The following TULP4 variants were observed in gnomAD, a reference collection of about 807,000 sequenced individuals.
TULP4 encodes TUB like protein 4, also known as tubby-related protein 4.
A neutral mutation model predicts 129.0 loss-of-function variants in TULP4; 16 were observed. The observed-to-expected ratio is 0.12, with a 90% CI of 0.08 to 0.19. The LOEUF is 0.19. Ranked by LOEUF, TULP4 falls within the 10% of genes least tolerant of loss-of-function variation. The pLI, the probability that TULP4 is intolerant of heterozygous loss-of-function variation, is 1.00. For missense variants in TULP4, 1,842 were observed against 2,059.1 expected (o/e 0.89, Z 2.04); for synonymous variants, 998 against 854.0 (o/e 1.17, Z -2.94).
chr6:158,233,098 G>A (rs1777628324), intron 1 of TULP4, among the ~76,000 whole-genome samples: 1 of 152,242 alleles, frequency 6.6e-6, no homozygotes, highest in African/African-American at 2.4e-5. Context: ...CTTCAGGGAT[G>A]GGAAGGTGAG....
Position 158,314,554 on chromosome 6 carries a change from T to C in TULP4, c.252+286T>C, listed in dbSNP as rs1224496491. Among the ~76,000 whole-genome samples the C allele has an allele frequency of 3.3e-5, 5 of 152,122 alleles. No homozygotes were observed. The East Asian group carries it at 9.6e-4, about 29-fold the overall frequency. ...CGGGCAGTGGGAAGACGCCCAGCAG[T>C]AGGGAGGCCAGGGCGCTTTCTAACC... On this transcript the variant is annotated intron_variant, in intron 1 of 13. Transcript: ENST00000367097.
rs199605437 is a variant in TULP4 at position 158,265,723 on chromosome 6, C to CT, written n.68+33429dup. On this transcript the variant is annotated intron_variant and non_coding_transcript_variant, in intron 1 of 1. Transcript: ENST00000620026. ...AATTTTGGCTCAAGTAAGGCAAATACTTTTTTTTTCTTAAGCATTGAGAAT... is the reference window on the plus strand; with the variant it reads ...AATTTTGGCTCAAGTAAGGCAAATACTTTTTTTTTTCTTAAGCATTGAGAAT... Among the ~76,000 whole-genome samples, 7 of 151,344 alleles carry CT rather than the reference C, an allele frequency of 4.6e-5. No homozygotes were observed. In the East Asian group the frequency reaches 1.2e-3, roughly 25 times the overall value.
chr6:158,240,437 C>T (rs1306271395), intron 1 of TULP4, among the ~76,000 whole-genome samples: 3 of 77,208 alleles, frequency 3.9e-5, no homozygotes, highest in African/African-American at 1.3e-4. Flanking sequence ...AGGCGCCCCT[C>T]ACCTCCCAGA....
intron 1 of TULP4, among the ~76,000 whole-genome samples, chr6:158,358,390 C>A (rs1780695216): frequency 6.6e-6 from 1 of 152,136 alleles, no homozygotes; most frequent in Admixed American, 6.5e-5. Flanking sequence ...TTAAACAAAC[C>A]CATCAGTCCT....
chr6:158,394,054 G>A (rs1381910802), intron 1 of TULP4, among the ~76,000 whole-genome samples: 2 of 152,168 alleles, frequency 1.3e-5, no homozygotes, highest in Non-Finnish European at 2.9e-5. Context: ...GCTGTTAGGA[G>A]CAGCCAGGCT....
At chr6:158,461,855 GA>G in intron 6 of TULP4, 126 bp downstream of exon 6, 2 of 1,143,214 alleles carry the variant, frequency 1.7e-6, no homozygotes, top group Non-Finnish European at 2.4e-6. Context: ...TAAACCAGGA[GA>G]AATAAGGGAG....
intron 1 of TULP4, among the ~76,000 whole-genome samples, chr6:158,385,735 T>A (rs1419016646): frequency 6.7e-6 from 1 of 149,644 alleles, no homozygotes; most frequent in East Asian, 1.9e-4. Flanking sequence ...TTTTTTTTTT[T>A]AAGTTCCTTA....
Position 158,489,620 on chromosome 6 carries a change from G to A in TULP4, c.1519G>A (p.Val507Met), listed in dbSNP as rs1479849470. Residue 507 changes from valine (V) to methionine (M), a missense_variant, in exon 9 of 14, where the codon GTG becomes ATG. By Grantham distance (21) the Val-to-Met change is conservative. Coordinates refer to ENST00000367097, the MANE Select transcript of TULP4 (RefSeq NM_020245.5). ...EIYGNSLIST[V>M]IDSCNCSDSS... Reference sequence around the variant, plus strand: ...CTATGGGAACAGCTTGATTTCTACTGTGATCGACAGCTGCAACTGCTCAGA... The same window carrying A: ...CTATGGGAACAGCTTGATTTCTACTATGATCGACAGCTGCAACTGCTCAGA... 2 of 1,614,192 alleles carry A rather than the reference G, an allele frequency of 1.2e-6. No homozygotes were observed. The highest frequency in any genetic ancestry group is 1.7e-6 in the Non-Finnish European group (2 of 1,180,048).
At chr6:158,350,041 ACTTCCTCC>A (rs1780467678) in intron 1 of TULP4, among the ~76,000 whole-genome samples, 1 of 121,614 alleles carries the variant, frequency 8.2e-6, no homozygotes, top group East Asian at 2.5e-4. Flanking sequence ...GGCGCTCCTC[ACTTCCTCC>A]CAGACGGGGC....
Position 158,509,581 on chromosome 6 carries a change from A to C in TULP4, c.*2887A>C, listed in dbSNP as rs564236347. The C allele has an allele frequency of 6.6e-6, 1 of 152,258 alleles. No homozygotes were observed. The highest frequency in any genetic ancestry group is 1.5e-5 in the Non-Finnish European group (1 of 68,050). The allele number at this position is 152,258 out of a possible 1,614,324, so 9.4% of individuals were successfully genotyped here. A position where few individuals can be genotyped will look rare whatever the true frequency, so the allele number is the denominator to read the frequency against. On this transcript the variant is annotated 3_prime_UTR_variant, in exon 14 of 14. Coordinates refer to ENST00000367097, the MANE Select transcript of TULP4 (RefSeq NM_020245.5). ...TACAAATACATGTGAGAAGAAAAAA[A>C]TGGATTTTTTTAGCAAATAATTAAC... is the stretch of plus-strand genomic sequence containing the variant.
intron 12 of TULP4, among the ~76,000 whole-genome samples, chr6:158,501,262 A>G (rs577867708): frequency 2.0e-5 from 3 of 152,292 alleles, no homozygotes; most frequent in Admixed American, 6.5e-5. Context: ...GAATAGACCT[A>G]TTCAGAGGCC....
rs917223144 is a variant in TULP4, at chr6:158,244,061, A to G, written n.68+11758A>G. 2.0e-5 allele frequency among the ~76,000 whole-genome samples: 3 copies of G among 152,208 alleles called. No homozygotes were observed. The East Asian group carries it at 5.8e-4, about 29-fold the overall frequency. On this transcript the variant is annotated intron_variant and non_coding_transcript_variant, in intron 1 of 1. Transcript: ENST00000620026. The stretch of plus-strand genomic sequence containing the variant: ...GTTTTAAATTTTTTCGCATAACATT[A>G]TGAACGCCTATTTTAGCATACGTGG...
In TULP4 at chr6:158,493,722, G is replaced by A; in HGVS notation, c.1776+5G>A. 1 of 1,545,956 alleles carries A rather than the reference G, an allele frequency of 6.5e-7. No homozygotes were observed. The highest frequency in any genetic ancestry group is 8.7e-7 in the Non-Finnish European group (1 of 1,147,004). ...CCTTTTGAAGACATCACTCAGGTAGGAGCCCCCAGTTACCCTGCCTTGCTC... is the reference window on the plus strand; with the variant it reads ...CCTTTTGAAGACATCACTCAGGTAGAAGCCCCCAGTTACCCTGCCTTGCTC... On this transcript the variant is annotated splice_donor_5th_base_variant and intron_variant, in intron 10 of 13. Coordinates refer to ENST00000367097, the MANE Select transcript of TULP4 (RefSeq NM_020245.5). This position sits in a 1 kb window ranked among gnomAD's most constrained non-coding sequence, Gnocchi z 4.4.
intron 1 of TULP4, among the ~76,000 whole-genome samples, chr6:158,355,384 C>T (rs1282710750): frequency 1.3e-5 from 2 of 152,048 alleles, no homozygotes; most frequent in African/African-American, 4.8e-5. Context: ...CTGTGACTGG[C>T]CTATAAGCAG....
intron 1 of TULP4, among the ~76,000 whole-genome samples, chr6:158,353,713 T>A (rs1742860089): frequency 6.6e-6 from 1 of 152,244 alleles, no homozygotes; most frequent in African/African-American, 2.4e-5. Context: ...GCTTGTTTGT[T>A]AATATGTTCA....
At chr6:158,496,158 C>T (rs1270909841) in intron 11 of TULP4, among the ~76,000 whole-genome samples, 2 of 152,174 alleles carry the variant, frequency 1.3e-5, no homozygotes, top group South Asian at 4.1e-4. Flanking sequence ...TGTTGCTCCC[C>T]GCATCTTTCC....
intron 1 of TULP4, among the ~76,000 whole-genome samples, chr6:158,331,744 C>T (rs1280887781): frequency 0.029 from 627 of 21,742 alleles, 98 homozygotes; most frequent in Non-Finnish European, 0.051. Context: ...TATATATATA[C>T]GTGTATATAC....
chr6:158,359,632 G>C (rs954257120), intron 1 of TULP4, among the ~76,000 whole-genome samples: 1 of 152,084 alleles, frequency 6.6e-6, no homozygotes, highest in Non-Finnish European at 1.5e-5. Context: ...TGCCCACCCG[G>C]ATTGAGGGTG....
chr6:158,273,189 A>G (rs1778580706), intron 1 of TULP4, among the ~76,000 whole-genome samples: 1 of 152,222 alleles, frequency 6.6e-6, no homozygotes, highest in South Asian at 2.1e-4. Context: ...CTAAAAGAAC[A>G]GATAAGCTTC....
Sources: gnomAD v4.1 joint callset for allele counts (sites outside exome capture counted in the v4.1 genomes callset) on GRCh38, gnomAD v4.1.1 for gene constraint, Gnocchi (gnomAD v3.1) non-coding constraint, MANE v1.5 for transcripts, NCBI Gene and HGNC (gene_info 2026-07-23, HGNC 2026-07-21) for gene names.